Variants in PLXDC2 observed in about 807,000 individuals in gnomAD.
PLXDC2 encodes plexin domain-containing protein 2.
PLXDC2 carries 40 observed loss-of-function variants against 68.9 expected under a neutral mutation model. The ratio of observed to expected loss-of-function variants is 0.58; its 90% confidence interval spans 0.45 to 0.76. The LOEUF (loss-of-function observed/expected upper bound fraction) is 0.76, where lower values mean the gene tolerates loss of function less well. Among genes scored for constraint, PLXDC2 ranks in the 30% least tolerant of loss-of-function variants. PLXDC2 has a pLI of 0.00. For synonymous variants in PLXDC2, 243 were observed against 234.2 expected (o/e 1.04, Z -0.34); for missense variants, 644 against 661.9 (o/e 0.97, Z 0.30).
intron 6 of PLXDC2, among the ~76,000 whole-genome samples, chr10:20,152,410 G>T (rs1368303771): frequency 6.6e-6 from 1 of 152,064 alleles, no homozygotes; most frequent in Non-Finnish European, 1.5e-5. Flanking sequence ...TGAGGTTATA[G>T]CTCTGTGTTG....
At chr10:19,932,589 A>T (rs142232814) in intron 1 of PLXDC2, among the ~76,000 whole-genome samples, 285 of 152,230 alleles carry the variant, frequency 1.9e-3, no homozygotes, top group African/African-American at 6.6e-3. Context: ...TCTTCTGCAA[A>T]GCAAGACACC....
At chr10:20,116,292 C>G (rs1833620773) in intron 4 of PLXDC2, among the ~76,000 whole-genome samples, 5 of 152,136 alleles carry the variant, frequency 3.3e-5, no homozygotes, top group Admixed American at 3.3e-4. Context: ...AATATTGAAG[C>G]TGCACTTGGA....
chr10:20,121,368 G>T (rs1833694711), intron 4 of PLXDC2, among the ~76,000 whole-genome samples: 2 of 152,144 alleles, frequency 1.3e-5, no homozygotes, highest in African/African-American at 2.4e-5. Flanking sequence ...TGCCTAGGAA[G>T]GAAAGGAGTT....
At chr10:20,124,381 G>A (rs923813106) in intron 4 of PLXDC2, among the ~76,000 whole-genome samples, 6 of 152,112 alleles carry the variant, frequency 3.9e-5, no homozygotes, top group East Asian at 1.9e-4. Context: ...AGAAGAGGCC[G>A]CTCACCCGAT....
At chr10:20,126,375 ATACATATG>A (rs1833780190) in intron 4 of PLXDC2, among the ~76,000 whole-genome samples, 5 of 146,858 alleles carry the variant, frequency 3.4e-5, no homozygotes, top group African/African-American at 1.2e-4. Context: ...TAATACATAT[ATACATATG>A]TGTTATATAA....
chr10:20,021,189 C>A (rs1036755183), intron 2 of PLXDC2, among the ~76,000 whole-genome samples: 1 of 141,554 alleles, frequency 7.1e-6, no homozygotes, highest in Non-Finnish European at 1.6e-5. Context: ...TAACTTTATC[C>A]TGTTTTTTTT....
chr10:20,133,472 A>G (rs182234140), intron 4 of PLXDC2, among the ~76,000 whole-genome samples: 1 of 152,244 alleles, frequency 6.6e-6, no homozygotes, highest in African/African-American at 2.4e-5. Flanking sequence ...TTGGCTAGTT[A>G]TAGTATTCTT....
intron 1 of PLXDC2, among the ~76,000 whole-genome samples, chr10:19,961,242 T>A (rs573657282): frequency 6.6e-6 from 1 of 152,300 alleles, no homozygotes; most frequent in East Asian, 1.9e-4. Context: ...GTTTTCAAGA[T>A]CAAAATAGAA....
At chr10:19,847,151 C>CA in intron 1 of PLXDC2, among the ~76,000 whole-genome samples, 1 of 152,142 alleles carries the variant, frequency 6.6e-6, no homozygotes, top group Middle Eastern at 3.4e-3. Flanking sequence ...ACACTTCCCC[C>CA]AAAAAAGAAT....
chr10:20,089,453 T>A (rs986254403), intron 4 of PLXDC2, among the ~76,000 whole-genome samples: 1 of 152,070 alleles, frequency 6.6e-6, no homozygotes, highest in Non-Finnish European at 1.5e-5. Context: ...CAGTGACTTG[T>A]CCCTAAGATT....
At chr10:20,093,877 G>C (rs561636612) in intron 4 of PLXDC2, among the ~76,000 whole-genome samples, 1 of 152,194 alleles carries the variant, frequency 6.6e-6, no homozygotes, top group East Asian at 1.9e-4. Flanking sequence ...GTTTCACCCT[G>C]TTGCTCAGGC....
At chr10:19,953,911 CA>C (rs1301388635) in intron 1 of PLXDC2, among the ~76,000 whole-genome samples, 3 of 151,640 alleles carry the variant, frequency 2.0e-5, no homozygotes, top group Non-Finnish European at 4.4e-5. Context: ...GTTTTAATTT[CA>C]AAGAGTCTGG....
At chr10:19,891,477 A>C (rs1047382426) in intron 1 of PLXDC2, among the ~76,000 whole-genome samples, 4 of 152,184 alleles carry the variant, frequency 2.6e-5, no homozygotes, top group Admixed American at 6.5e-5. Context: ...GTTTTGAATG[A>C]CATTATCCCA....
rs576599575 is a variant in PLXDC2 at position 19,912,822 on chromosome 10, G to C, written c.113-88953G>C. 2.0e-5 allele frequency among the ~76,000 whole-genome samples: 3 copies of C among 152,142 alleles called. No homozygotes were observed. In the South Asian group the frequency reaches 6.2e-4, roughly 32 times the overall value. Reference sequence around the variant, plus strand: ...TAGCTCTTTCTCTAGCTAGACAGTGGATTTTTCTTCTGATTATCATCCAAA... The same window carrying C: ...TAGCTCTTTCTCTAGCTAGACAGTGCATTTTTCTTCTGATTATCATCCAAA... On this transcript the variant is annotated intron_variant, in intron 1 of 13. Transcript: ENST00000377252.
At chr10:20,004,934 A>G (rs1280817203) in intron 2 of PLXDC2, among the ~76,000 whole-genome samples, 2 of 152,170 alleles carry the variant, frequency 1.3e-5, no homozygotes, top group Non-Finnish European at 2.9e-5. Flanking sequence ...CAGGGCTAAG[A>G]GCTGCCAGGT....
intron 1 of PLXDC2, among the ~76,000 whole-genome samples, chr10:19,866,383 C>T (rs1837416332): frequency 6.6e-6 from 1 of 152,196 alleles, no homozygotes. Context: ...TTATTCTAAG[C>T]CGGCAAAGTT....
intron 4 of PLXDC2, among the ~76,000 whole-genome samples, chr10:20,073,072 G>T (rs1836364911): frequency 6.6e-6 from 1 of 152,172 alleles, no homozygotes; most frequent in Admixed American, 6.5e-5. Flanking sequence ...TGGGCTGGGA[G>T]TTTTAAGTAG....
chr10:20,227,473 C>T (rs556123432), intron 12 of PLXDC2, among the ~76,000 whole-genome samples: 6 of 152,196 alleles, frequency 3.9e-5, no homozygotes, highest in African/African-American at 1.4e-4. Context: ...GAAAGAGGTT[C>T]AGAAGCATGA....
chr10:19,909,878 G>T (rs1461193486), intron 1 of PLXDC2, among the ~76,000 whole-genome samples: 4 of 152,090 alleles, frequency 2.6e-5, no homozygotes, highest in African/African-American at 9.7e-5. Context: ...TATAAAATGA[G>T]TGTATGTTCA....
Sources: allele counts gnomAD v4.1 joint callset (sites outside exome capture counted in the v4.1 genomes callset), GRCh38; gene constraint gnomAD v4.1.1; transcripts MANE v1.5; gene names NCBI Gene and HGNC (gene_info 2026-07-23, HGNC 2026-07-21).